MAST4: variants seen among roughly 807,000 people sequenced by gnomAD.
The protein encoded by MAST4 is microtubule associated serine/threonine kinase family member 4.
In MAST4, 89 loss-of-function variants were observed where a neutral mutation model predicts 162.7. That is an observed-to-expected ratio of 0.55 (90% CI 0.46 to 0.65). The LOEUF (loss-of-function observed/expected upper bound fraction) is 0.65, where lower values mean the gene tolerates loss of function less well. Ranked by LOEUF, MAST4 falls within the 30% of genes least tolerant of loss-of-function variation. The pLI is 0.00. For missense variants in MAST4, 3,153 were observed against 3,374.0 expected (o/e 0.93, Z 1.62); for synonymous variants, 1,479 against 1,361.1 (o/e 1.09, Z -1.91).
intron 1 of MAST4, among the ~76,000 whole-genome samples, chr5:66,698,965 A>G (rs4699888): frequency 0.1 from 15,488 of 152,052 alleles, 927 homozygotes; most frequent in Admixed American, 0.16. Context: ...CTATAGTCCA[A>G]TCTCTGTTTG....
intron 1 of MAST4, among the ~76,000 whole-genome samples, chr5:66,706,264 G>A (rs1750118967): frequency 6.6e-6 from 1 of 152,178 alleles, no homozygotes; most frequent in Non-Finnish European, 1.5e-5. Flanking sequence ...GACCTTAGAT[G>A]AGCGAATCCA....
chr5:66,910,525 G>T (rs546481320), intron 4 of MAST4, among the ~76,000 whole-genome samples: 4 of 152,076 alleles, frequency 2.6e-5, no homozygotes. Context: ...CTTGGAATCT[G>T]TGCCATCTCC....
intron 3 of MAST4, among the ~76,000 whole-genome samples, chr5:66,891,893 G>A (rs111309742): frequency 6.6e-6 from 1 of 152,188 alleles, no homozygotes; most frequent in African/African-American, 2.4e-5. Flanking sequence ...CCAAATACAC[G>A]CAAGGGTAGA....
At chr5:67,042,527 T>A (rs1246330994) in intron 4 of MAST4, among the ~76,000 whole-genome samples, 1 of 152,176 alleles carries the variant, frequency 6.6e-6, no homozygotes, top group Non-Finnish European at 1.5e-5. Flanking sequence ...ACCTCTTTTT[T>A]TTTTTTTCCG....
intron 1 of MAST4, among the ~76,000 whole-genome samples, chr5:66,664,101 A>C (rs1047424754): frequency 3.9e-5 from 6 of 152,074 alleles, no homozygotes; most frequent in Non-Finnish European, 7.4e-5. Flanking sequence ...ATTGGCATTT[A>C]CTGAGCTGTG....
At chr5:66,904,686 T>C (rs1198942778) in intron 4 of MAST4, among the ~76,000 whole-genome samples, 2 of 152,114 alleles carry the variant, frequency 1.3e-5, no homozygotes, top group African/African-American at 4.8e-5. Flanking sequence ...GCTTGCTTGA[T>C]TGATGGATTG....
chr5:67,132,270 C>A (rs754540748), intron 16 of MAST4, among the ~76,000 whole-genome samples: 1 of 152,094 alleles, frequency 6.6e-6, no homozygotes, highest in East Asian at 1.9e-4. Context: ...GTGTATGCTG[C>A]ACCCATCAAT....
intron 3 of MAST4, chr5:66,870,698 T>C (rs1445655108): frequency 4.4e-6 from 2 of 454,646 alleles, no homozygotes; most frequent in Non-Finnish European, 9.1e-6. Flanking sequence ...CTCCCTTTTC[T>C]GACCATTTCT....
At chr5:66,622,068 G>T (rs767959747) in intron 1 of MAST4, among the ~76,000 whole-genome samples, 10 of 152,008 alleles carry the variant, frequency 6.6e-5, no homozygotes, top group African/African-American at 2.4e-4. Context: ...AGACCTCTGT[G>T]TTACATGGTA....
intron 1 of MAST4, among the ~76,000 whole-genome samples, chr5:66,647,608 TA>T (rs1382670564): frequency 1.3e-5 from 2 of 152,170 alleles, no homozygotes; most frequent in Non-Finnish European, 2.9e-5. Context: ...AACTGTGGTG[TA>T]AGTGGTTTGT....
intron 19 of MAST4, among the ~76,000 whole-genome samples, chr5:67,139,343 T>C (rs1231314711): frequency 2.0e-5 from 3 of 152,236 alleles, no homozygotes; most frequent in African/African-American, 7.2e-5. Flanking sequence ...ACATAATGGA[T>C]GTTTAAGAAA....
chr5:66,714,945 C>G (rs772876012), intron 1 of MAST4, among the ~76,000 whole-genome samples: 1 of 152,234 alleles, frequency 6.6e-6, no homozygotes, highest in Non-Finnish European at 1.5e-5. Context: ...CTGTTTCCCC[C>G]ACCTAAGGAC....
intron 4 of MAST4, among the ~76,000 whole-genome samples, chr5:66,906,031 A>G (rs1419528665): frequency 6.6e-6 from 1 of 152,248 alleles, no homozygotes; most frequent in Non-Finnish European, 1.5e-5. Context: ...ACAGATTTGC[A>G]GAGCCATTTA....
At chr5:66,762,212 C>G (rs942772547) in intron 2 of MAST4, among the ~76,000 whole-genome samples, 2 of 151,938 alleles carry the variant, frequency 1.3e-5, no homozygotes, top group Non-Finnish European at 2.9e-5. Flanking sequence ...GTAACTAAGT[C>G]TTTGGTCAGA....
chr5:67,011,578 C>G (rs1269958721), intron 4 of MAST4, among the ~76,000 whole-genome samples: 3 of 152,190 alleles, frequency 2.0e-5, no homozygotes, highest in Non-Finnish European at 4.4e-5. Context: ...CTCCCCCAGC[C>G]TGGTCAGGGA....
At chr5:66,676,228 G>C (rs1184559944) in intron 1 of MAST4, among the ~76,000 whole-genome samples, 1 of 152,188 alleles carries the variant, frequency 6.6e-6, no homozygotes, top group Non-Finnish European at 1.5e-5. Flanking sequence ...AAGCACAGGT[G>C]GTGTGTCCGT....
At chr5:66,621,233 C>A (rs1370654445) in intron 1 of MAST4, among the ~76,000 whole-genome samples, 1 of 152,152 alleles carries the variant, frequency 6.6e-6, no homozygotes, top group Non-Finnish European at 1.5e-5. Flanking sequence ...CCTCAAATAA[C>A]AGAAGATGAT....
At chr5:66,946,349 A>G (rs979846373) in intron 4 of MAST4, among the ~76,000 whole-genome samples, 1 of 152,160 alleles carries the variant, frequency 6.6e-6, no homozygotes, top group African/African-American at 2.4e-5. Flanking sequence ...GAACTTCTTT[A>G]TAGCTCTTAC....
intron 4 of MAST4, among the ~76,000 whole-genome samples, chr5:66,917,595 T>TTTC (rs386404008): frequency 3.1e-5 from 1 of 32,330 alleles, no homozygotes; most frequent in Non-Finnish European, 5.1e-5. Context: ...ATTCTCTTTC[T>TTTC]TTTTTTTTTT....
Sources: gnomAD v4.1 joint callset for allele counts (sites outside exome capture counted in the v4.1 genomes callset) on GRCh38, gnomAD v4.1.1 for gene constraint, MANE v1.5 for transcripts, NCBI Gene and HGNC (gene_info 2026-07-23, HGNC 2026-07-21) for gene names.